Variants in CDA observed in about 807,000 individuals in gnomAD.
CDA encodes cytidine deaminase.
A neutral mutation model predicts 15.0 loss-of-function variants in CDA; 7 were observed. The ratio of observed to expected loss-of-function variants is 0.47; its 90% CI spans 0.26 to 0.87. The LOEUF is 0.87. Among genes scored for constraint, CDA ranks in the 40% least tolerant of loss-of-function variants. CDA has a pLI of 0.15. For synonymous variants in CDA, 58 were observed against 73.0 expected, an observed-to-expected ratio of 0.79 and a Z score of 1.05; for missense variants, 159 against 182.7, an observed-to-expected ratio of 0.87 and a Z score of 0.75.
intron 1 of CDA, among the ~76,000 whole-genome samples, chr1:20,602,208 A>G (rs1386915930): frequency 6.6e-6 from 1 of 151,888 alleles, no homozygotes; most frequent in Admixed American, 6.6e-5. Context: ...ATCAATAAGT[A>G]TACAGTGACT....
chr1:20,609,467 C>T (rs2052726185), intron 2 of CDA, among the ~76,000 whole-genome samples: 1 of 151,840 alleles, frequency 6.6e-6, no homozygotes, highest in South Asian at 2.1e-4. Flanking sequence ...GCCTGGGCGA[C>T]AGAGCGAGAC....
At position 20,601,190 on chromosome 1, in the gene CDA, C is replaced by A. The variant is rs896696515; in HGVS notation, c.155-3738C>A. ...TTCTCTCATCCATTCTTCTGAGTGTCCATTTCAGCCTCTCTCATTGGTCTC... is the reference window on the plus strand; with the variant it reads ...TTCTCTCATCCATTCTTCTGAGTGTACATTTCAGCCTCTCTCATTGGTCTC... On this transcript the variant is annotated intron_variant, in intron 1 of 3. Transcript: ENST00000375071. Among the ~76,000 whole-genome samples the A allele has an allele frequency of 2.0e-5, 3 of 152,210 alleles. No individual in the cohort carries two copies. In the East Asian group the frequency reaches 5.8e-4, roughly 29 times the overall value.
chr1:20,604,077 G>A (rs921739573), intron 1 of CDA, among the ~76,000 whole-genome samples: 16 of 152,196 alleles, frequency 1.1e-4, no homozygotes, highest in Middle Eastern at 3.4e-3. Flanking sequence ...GTTGTTAGTT[G>A]GTTTTGACAG....
At chr1:20,591,202 G>T (rs567992850) in intron 1 of CDA, among the ~76,000 whole-genome samples, 4 of 152,072 alleles carry the variant, frequency 2.6e-5, no homozygotes, top group Non-Finnish European at 5.9e-5. Context: ...ATAGCCGGGC[G>T]TGGTGATGGG....
intron 1 of CDA, among the ~76,000 whole-genome samples, chr1:20,599,617 C>CAAAATAAAATAAA (rs2052621881): frequency 1.9e-5 from 2 of 108,028 alleles, no homozygotes; most frequent in African/African-American, 7.5e-5. Context: ...ACTCCGTCTC[C>CAAAATAAAATAAA]AAAATAAAAT....
intron 3 of CDA, 88 bp downstream of exon 3, chr1:20,613,987 A>G: frequency 8.0e-7 from 1 of 1,246,016 alleles, no homozygotes; most frequent in Middle Eastern, 2.6e-4. Context: ...CATGGCAGGC[A>G]TGGCAGGCGT....
At chr1:20,603,360 G>A (rs560602995) in intron 1 of CDA, among the ~76,000 whole-genome samples, 1 of 152,300 alleles carries the variant, frequency 6.6e-6, no homozygotes, top group Admixed American at 6.5e-5. Context: ...TCTGCCCCAT[G>A]AGTTGACCAG....
intron 1 of CDA, among the ~76,000 whole-genome samples, chr1:20,594,126 G>T (rs189237178): frequency 6.6e-6 from 1 of 152,178 alleles, no homozygotes; most frequent in Admixed American, 6.5e-5. Context: ...ACACAAGACC[G>T]GCACAGGTGA....
intron 2 of CDA, among the ~76,000 whole-genome samples, chr1:20,607,707 A>G (rs1357224082): frequency 1.3e-5 from 2 of 152,154 alleles, no homozygotes; most frequent in Non-Finnish European, 2.9e-5. Context: ...CCAGCACCCA[A>G]CTGCTGTACT....
intron 2 of CDA, among the ~76,000 whole-genome samples, chr1:20,605,550 C>G (rs2052688244): frequency 8.2e-6 from 1 of 122,390 alleles, no homozygotes; most frequent in Non-Finnish European, 1.8e-5. Context: ...GTCCCAGCTA[C>G]TTGGGAGGCT....
chr1:20,596,003 GC>G (rs2052588535), intron 1 of CDA, among the ~76,000 whole-genome samples: 2 of 152,168 alleles, frequency 1.3e-5, no homozygotes, highest in Admixed American at 1.3e-4. Context: ...ACAAAAATTA[GC>G]CAGGCGTGGT....
chr1:20,600,772 A>G (rs2052636549), intron 1 of CDA, among the ~76,000 whole-genome samples: 1 of 148,758 alleles, frequency 6.7e-6, no homozygotes. Context: ...AAAAAAAAGA[A>G]AAGAGAAGAA....
At chr1:20,599,715 G>A (rs1022996396) in intron 1 of CDA, among the ~76,000 whole-genome samples, 14 of 148,334 alleles carry the variant, frequency 9.4e-5, no homozygotes, top group African/African-American at 3.5e-4. Context: ...CAGGACCACT[G>A]TCATACCTTG....
intron 3 of CDA, 107 bp from the exon 4 acceptor site, chr1:20,618,345 G>A: frequency 1.4e-6 from 1 of 717,414 alleles, no homozygotes; most frequent in South Asian, 1.5e-5. Flanking sequence ...AGAAAATCAA[G>A]GTAAAGAGAG....
chr1:20,594,986 T>C (rs1024184071), intron 1 of CDA, among the ~76,000 whole-genome samples: 2 of 151,828 alleles, frequency 1.3e-5, no homozygotes, highest in African/African-American at 4.8e-5. Flanking sequence ...CCTGGGCTCG[T>C]GGGGAGTATG....
intron 1 of CDA, among the ~76,000 whole-genome samples, chr1:20,594,901 C>T (rs1030413889): frequency 2.6e-5 from 4 of 152,104 alleles, no homozygotes; most frequent in Admixed American, 6.5e-5. Flanking sequence ...AGCCGGTGTT[C>T]GTGCAGCGCC....
chr1:20,592,026 G>A (rs2101174016), intron 1 of CDA, among the ~76,000 whole-genome samples: 1 of 152,132 alleles, frequency 6.6e-6, no homozygotes, highest in South Asian at 2.1e-4. Context: ...ACTTTTAGTA[G>A]AGACAGGGTT....
intron 2 of CDA, among the ~76,000 whole-genome samples, chr1:20,611,841 G>C (rs2052755583): frequency 6.6e-6 from 1 of 151,988 alleles, no homozygotes; most frequent in South Asian, 2.1e-4. Flanking sequence ...TCATGCCTCA[G>C]GGCCTTTGCA....
chr1:20,599,617 C>CAAAATAGAATAAAAT (rs2052621702), intron 1 of CDA, among the ~76,000 whole-genome samples: 1 of 108,002 alleles, frequency 9.3e-6, no homozygotes, highest in Non-Finnish European at 1.9e-5. Flanking sequence ...ACTCCGTCTC[C>CAAAATAGAATAAAAT]AAAATAAAAT....
Sources: allele counts gnomAD v4.1 joint callset (sites outside exome capture counted in the v4.1 genomes callset), GRCh38; gene constraint gnomAD v4.1.1; transcripts MANE v1.5; gene names NCBI Gene and HGNC (gene_info 2026-07-23, HGNC 2026-07-21).